The following TSHZ2 variants were observed in gnomAD, a reference collection of about 807,000 sequenced individuals.
TSHZ2 encodes teashirt homolog 2.
A neutral mutation model predicts 74.4 loss-of-function variants in TSHZ2; 21 were observed. The ratio of observed to expected loss-of-function variants is 0.28; its 90% CI spans 0.20 to 0.41. TSHZ2 has a LOEUF of 0.41. Ranked by LOEUF, TSHZ2 falls within the 10% of genes least tolerant of loss-of-function variation. TSHZ2 has a pLI of 1.00. For synonymous variants in TSHZ2, 540 were observed against 515.3 expected, an observed-to-expected ratio of 1.05 and a Z score of -0.65; for missense variants, 1,244 against 1,293.5, an observed-to-expected ratio of 0.96 and a Z score of 0.59.
intron 1 of TSHZ2, among the ~76,000 whole-genome samples, chr20:53,001,948 A>G (rs1982456631): frequency 6.6e-6 from 1 of 152,176 alleles, no homozygotes; most frequent in South Asian, 2.1e-4. Flanking sequence ...CCTTTTTATC[A>G]AGGCTTAAAG....
chr20:52,993,879 C>T (rs915775722), intron 1 of TSHZ2, among the ~76,000 whole-genome samples: 1 of 152,176 alleles, frequency 6.6e-6, no homozygotes, highest in African/African-American at 2.4e-5. Context: ...TAAAAGGCCA[C>T]CCTTGCCTTC....
At chr20:53,186,459 G>C (rs1397795966) in intron 1 of TSHZ2, among the ~76,000 whole-genome samples, 1 of 152,170 alleles carries the variant, frequency 6.6e-6, no homozygotes, top group Non-Finnish European at 1.5e-5. Context: ...CTGTGTCTTT[G>C]ATAAAATACT....
chr20:53,240,548 T>C (rs796852231), intron 1 of TSHZ2, among the ~76,000 whole-genome samples: 4 of 152,268 alleles, frequency 2.6e-5, no homozygotes, highest in African/African-American at 9.6e-5. Context: ...AAGCTGCATA[T>C]AAGGAGATGC....
At chr20:53,391,272 G>A (rs6091667) in intron 2 of TSHZ2, among the ~76,000 whole-genome samples, 12,594 of 151,872 alleles carry the variant, frequency 0.083, 1,396 homozygotes, top group African/African-American at 0.25. Flanking sequence ...TCAGCCTCCC[G>A]AGTAGCTGGG....
intron 2 of TSHZ2, among the ~76,000 whole-genome samples, chr20:53,397,210 T>G (rs1278291754): frequency 6.6e-6 from 1 of 152,182 alleles, no homozygotes. Context: ...GGGAGAAAAT[T>G]TCTGCAATCT....
At chr20:53,466,474 G>T (rs1332512717) in intron 2 of TSHZ2, among the ~76,000 whole-genome samples, 2 of 152,148 alleles carry the variant, frequency 1.3e-5, no homozygotes, top group African/African-American at 4.8e-5. Flanking sequence ...GAGAAGATGG[G>T]TTCACTGTGA....
chr20:53,255,413 A>C lies in TSHZ2; in HGVS notation c.1955A>C (p.Lys652Thr). 6.2e-7 allele frequency: 1 copy of C among 1,613,442 alleles called. No individual in the cohort carries two copies. The highest frequency in any genetic ancestry group is 8.5e-7 in the Non-Finnish European group (1 of 1,179,944). Residue 652 changes from lysine (K) to threonine (T), a missense_variant, in exon 2 of 3, where the codon AAG (lysine) becomes ACG (threonine). By Grantham distance (78) the Lys-to-Thr change is moderately conservative. This residue lies in a region of TSHZ2 where 562 missense variants were observed against 544.0 expected (regional missense o/e 1.03). Transcript: ENST00000371497. This position sits in a 1 kb window ranked among gnomAD's most constrained non-coding sequence, Gnocchi z 4.1. Reference sequence around the variant, plus strand: ...AAAAAGACCGAGCTGGGTCCCCTGAAGGAGGAGGAGAAGCTGATGAAAGAG... The same window carrying C: ...AAAAAGACCGAGCTGGGTCCCCTGACGGAGGAGGAGAAGCTGATGAAAGAG... ...EAKKTELGPL[K>T]EEEKLMKEGS...
intron 2 of TSHZ2, among the ~76,000 whole-genome samples, chr20:53,320,472 T>C (rs1204981751): frequency 1.3e-5 from 2 of 152,314 alleles, no homozygotes; most frequent in South Asian, 4.1e-4. Context: ...AAATGAACAC[T>C]TTGTAAAACC....
chr20:53,275,561 C>T (rs1452307209), intron 2 of TSHZ2, among the ~76,000 whole-genome samples: 1 of 152,106 alleles, frequency 6.6e-6, no homozygotes, highest in Non-Finnish European at 1.5e-5. Context: ...CCCCTGTGTG[C>T]TGTATAATTC....
intron 2 of TSHZ2, among the ~76,000 whole-genome samples, chr20:53,280,767 A>G (rs1016549141): frequency 6.6e-6 from 1 of 151,954 alleles, no homozygotes; most frequent in Non-Finnish European, 1.5e-5. Flanking sequence ...ATCTCAGCTC[A>G]CTGCAACCTC....
chr20:53,306,084 G>T (rs1978531611), intron 2 of TSHZ2, among the ~76,000 whole-genome samples: 1 of 152,086 alleles, frequency 6.6e-6, no homozygotes, highest in Non-Finnish European at 1.5e-5. Flanking sequence ...CATCTGCTCT[G>T]GTGGTTCTGC....
Position 53,071,807 on chromosome 20 carries a change from A to G in TSHZ2, c.40+98474A>G, listed in dbSNP as rs115031060. 4.2e-3 allele frequency among the ~76,000 whole-genome samples: 638 copies of G among 152,290 alleles called. 7 individuals carry two copies. The highest frequency in any genetic ancestry group is 0.014 in the African/African-American group (597 of 41,558). On this transcript the variant is annotated intron_variant, in intron 1 of 2. Coordinates refer to ENST00000371497, the MANE Select transcript of TSHZ2 (RefSeq NM_173485.6). ...TGTCCCCTGAATACCCCTGGAGAGT[A>G]GTACTGTGTGTATCTGTCTATAAAA...
intron 2 of TSHZ2, among the ~76,000 whole-genome samples, chr20:53,325,335 A>G (rs1979444134): frequency 6.6e-6 from 1 of 152,232 alleles, no homozygotes; most frequent in Admixed American, 6.5e-5. Flanking sequence ...CTGAAAATCT[A>G]GATCTAAAAA....
chr20:53,253,934 A>T lies in TSHZ2; in HGVS notation c.476A>T (p.Asn159Ile). 1 of 1,614,136 alleles carries T rather than the reference A, an allele frequency of 6.2e-7. No individual in the cohort carries two copies. The highest frequency in any genetic ancestry group is 1.1e-5 in the South Asian group (1 of 91,070). ...GAGAGGAGGAACTGTGACACCCGAAACGGCAGCAACAAGAGTGATTTTGAT... is the reference window on the plus strand; with the variant it reads ...GAGAGGAGGAACTGTGACACCCGAATCGGCAGCAACAAGAGTGATTTTGAT... ...NSERRNCDTR[N>I]GSNKSDFDWH... The change falls in exon 2 of 3, where the codon AAC (asparagine) becomes ATC (isoleucine). Residue 159 changes from asparagine to isoleucine, a missense_variant. Asn to Ile is a moderately radical substitution (Grantham distance 149). This residue lies in a region of TSHZ2 where 470 missense variants were observed against 456.5 expected (regional missense o/e 1.03). Transcript: ENST00000371497.
chr20:53,246,036 C>CTTTTTTTTTTTTTT lies in TSHZ2; in HGVS notation c.41-7460_41-7459insTTTTTTTTTTTTTT, dbSNP rs201257665. 4.0e-4 allele frequency among the ~76,000 whole-genome samples: 51 copies of CTTTTTTTTTTTTTT among 126,766 alleles called. 1 individual carries two copies. The highest frequency in any genetic ancestry group is 1.6e-3 in the African/African-American group (49 of 31,494). The allele number at this position is 126,766 out of a possible 152,430, so 83.2% of individuals were successfully genotyped here. On this transcript the variant is annotated intron_variant, in intron 1 of 2. Coordinates refer to ENST00000371497, the MANE Select transcript of TSHZ2 (RefSeq NM_173485.6). ...CAGCTGTGCTTTTCTTTCTTTCTTT[C>CTTTTTTTTTTTTTT]TTTCTTTTTTTTTTTTTGTTTGAGA...
chr20:53,149,345 G>A (rs1987620660), intron 1 of TSHZ2, among the ~76,000 whole-genome samples: 1 of 152,110 alleles, frequency 6.6e-6, no homozygotes, highest in Admixed American at 6.5e-5. Flanking sequence ...GAAGGGCTCA[G>A]TGTCTGCCAG....
At chr20:53,195,527 A>T (rs1219893390) in intron 1 of TSHZ2, among the ~76,000 whole-genome samples, 1 of 152,144 alleles carries the variant, frequency 6.6e-6, no homozygotes, top group Non-Finnish European at 1.5e-5. Flanking sequence ...CAGGACTTGG[A>T]TGTTTTCAAA....
intron 1 of TSHZ2, among the ~76,000 whole-genome samples, chr20:53,193,273 ATGTTTCCAGTCTTC>A (rs1988784815): frequency 6.6e-6 from 1 of 151,958 alleles, no homozygotes; most frequent in East Asian, 1.9e-4. Context: ...AAATAAGAAA[ATGTTTCCAGTCTTC>A]TGTTTCCTAC....
At chr20:53,267,296 G>A (rs1990740954) in intron 2 of TSHZ2, among the ~76,000 whole-genome samples, 1 of 152,208 alleles carries the variant, frequency 6.6e-6, no homozygotes, top group Non-Finnish European at 1.5e-5. Context: ...AGGCTCCGAG[G>A]CCAGTAAGAA....
Sources: gnomAD v4.1 joint callset for allele counts (sites outside exome capture counted in the v4.1 genomes callset) on GRCh38, gnomAD v4.1.1 for gene constraint, gnomAD v4.1.1 regional missense constraint, Gnocchi (gnomAD v3.1) non-coding constraint, MANE v1.5 for transcripts, NCBI Gene and HGNC (gene_info 2026-07-23, HGNC 2026-07-21) for gene names.